Variants in DMD observed in about 807,000 individuals in gnomAD.
DMD encodes the protein dystrophin.
Under a neutral mutation model 330.1 loss-of-function variants are expected in DMD, and 63 were observed. The observed-to-expected ratio is 0.19, with a 90% CI of 0.16 to 0.24. The LOEUF (loss-of-function observed/expected upper bound fraction) is 0.24, where lower values mean the gene tolerates loss of function less well. Among genes scored for constraint, DMD ranks in the 10% least tolerant of loss-of-function variants. DMD has a pLI of 1.00. For missense variants in DMD, 3,344 were observed against 2,684.1 expected (o/e 1.25, Z -5.43); for synonymous variants, 1,223 against 959.8 (o/e 1.27, Z -5.07).
intron 11 of DMD, among the ~76,000 whole-genome samples, chrX:32,631,702 A>G (rs1259603950): frequency 9.0e-6 from 1 of 110,827 alleles, no homozygotes; most frequent in Non-Finnish European, 1.9e-5. Flanking sequence ...GGAGGGTACC[A>G]CACACTTTTA....
At chrX:32,885,057 C>G (rs2084385007) in intron 2 of DMD, among the ~76,000 whole-genome samples, 1 of 111,720 alleles carries the variant, frequency 9.0e-6, no homozygotes, top group Non-Finnish European at 1.9e-5. Flanking sequence ...GGGATCCTAG[C>G]CTAGCACCAC....
intron 63 of DMD, among the ~76,000 whole-genome samples, chrX:31,253,719 C>A (rs1404867328): frequency 8.9e-6 from 1 of 111,944 alleles, no homozygotes; most frequent in Admixed American, 9.5e-5. Context: ...ACTAGAACTG[C>A]TGAAGAATCA....
chrX:32,244,787 C>T lies in DMD; in HGVS notation c.6291-27724G>A, dbSNP rs1352142268. ...TTGAGAAGTGTCTGTTCATGTCCTT[C>T]GCTCACTTTTTGATGGGGTTGTTTG... On this transcript the variant is annotated intron_variant, in intron 43 of 78. Transcript: ENST00000357033. Among the ~76,000 whole-genome samples the T allele has an allele frequency of 5.4e-4, 40 of 74,649 alleles. 1 individual carries two copies. The East Asian group carries it at 5.4e-3, about 10-fold the overall frequency. 64.8% of individuals were successfully genotyped at this position (74,649 alleles called of 115,157 possible).
intron 41 of DMD, among the ~76,000 whole-genome samples, chrX:32,334,141 T>A (rs776974446): frequency 9.0e-6 from 1 of 111,173 alleles, no homozygotes; most frequent in Non-Finnish European, 1.9e-5. Flanking sequence ...ACCACTATGA[T>A]CATCAACAAT....
At chrX:32,170,087 T>C (rs953878798) in intron 44 of DMD, among the ~76,000 whole-genome samples, 4 of 111,202 alleles carry the variant, frequency 3.6e-5, no homozygotes, top group Middle Eastern at 4.2e-3. Context: ...CATCTGAGAT[T>C]AGATAATGGG....
intron 7 of DMD, among the ~76,000 whole-genome samples, chrX:32,700,694 A>G (rs2064040768): frequency 9.0e-6 from 1 of 111,710 alleles, no homozygotes; most frequent in African/African-American, 3.2e-5. Flanking sequence ...TTAATCATTA[A>G]TGAATATAAA....
intron 1 of DMD, among the ~76,000 whole-genome samples, chrX:33,055,082 T>G (rs1156989461): frequency 8.9e-6 from 1 of 111,760 alleles, no homozygotes; most frequent in Non-Finnish European, 1.9e-5. Context: ...GATTGAGCAT[T>G]AAGATTGAAG....
chrX:31,241,809 A>G (rs998500340), intron 63 of DMD, among the ~76,000 whole-genome samples: 3 of 111,513 alleles, frequency 2.7e-5, no homozygotes, highest in African/African-American at 9.8e-5. Context: ...CCAAATTCCT[A>G]TTCCAAAACA....
intron 7 of DMD, among the ~76,000 whole-genome samples, chrX:32,762,252 G>A (rs758577436): frequency 9.0e-6 from 1 of 110,856 alleles, no homozygotes; most frequent in Admixed American, 9.6e-5. Flanking sequence ...AAGCAATCAG[G>A]AGAAATGAAA....
At chrX:31,591,461 A>C (rs747701562) in intron 55 of DMD, among the ~76,000 whole-genome samples, 241 of 111,721 alleles carry the variant, frequency 2.2e-3, no homozygotes, top group Non-Finnish European at 3.8e-3. Context: ...GGTTTAGTTT[A>C]ACAAATCTAC....
intron 17 of DMD, among the ~76,000 whole-genome samples, chrX:32,522,242 A>G (rs900540567): frequency 9.0e-6 from 1 of 111,484 alleles, no homozygotes; most frequent in Non-Finnish European, 1.9e-5. Context: ...CCAGAACCCA[A>G]ATCTGTGTTG....
intron 1 of DMD, among the ~76,000 whole-genome samples, chrX:33,078,851 T>C (rs72626072): frequency 0.11 from 12,113 of 111,133 alleles, 543 homozygotes; most frequent in Middle Eastern, 0.17. Flanking sequence ...ATTATAGAAG[T>C]TTCCCATAAT....
chrX:32,911,611 C>T (rs1255996639), intron 2 of DMD, among the ~76,000 whole-genome samples: 3 of 111,279 alleles, frequency 2.7e-5, no homozygotes, highest in African/African-American at 9.8e-5. Context: ...TGAAAAAATG[C>T]CCAAACTCAT....
intron 45 of DMD, among the ~76,000 whole-genome samples, chrX:31,952,338 G>A (rs1490419860): frequency 9.1e-6 from 1 of 110,423 alleles, no homozygotes; most frequent in Non-Finnish European, 1.9e-5. Context: ...CATCTACATT[G>A]ATATGCTCAA....
chrX:31,281,227 T>C (rs895327435), intron 62 of DMD, among the ~76,000 whole-genome samples: 3 of 111,858 alleles, frequency 2.7e-5, no homozygotes, highest in African/African-American at 9.7e-5. Context: ...TAGATGTCAT[T>C]ATTTAATCAG....
chrX:32,129,456 C>T (rs1313723977), intron 44 of DMD, among the ~76,000 whole-genome samples: 3 of 110,850 alleles, frequency 2.7e-5, no homozygotes, highest in Non-Finnish European at 5.7e-5. Flanking sequence ...TTCATGAGTA[C>T]AAAATTAAAA....
intron 1 of DMD, among the ~76,000 whole-genome samples, chrX:33,157,075 G>A (rs984249613): frequency 2.7e-5 from 3 of 111,518 alleles, no homozygotes; most frequent in African/African-American, 9.8e-5. Flanking sequence ...AGTTTCCTGC[G>A]GCTGCTGTTA....
chrX:32,656,120 C>A (rs1347498202), intron 9 of DMD, among the ~76,000 whole-genome samples: 1 of 111,904 alleles, frequency 8.9e-6, no homozygotes, highest in Non-Finnish European at 1.9e-5. Context: ...CACTACAGTT[C>A]CCACTTTCCC....
chrX:31,672,666 T>G (rs2081872330), intron 53 of DMD, among the ~76,000 whole-genome samples: 1 of 112,352 alleles, frequency 8.9e-6, no homozygotes, highest in Non-Finnish European at 1.9e-5. Context: ...AGCTTGAATC[T>G]GACGTCAAGT....
Sources: allele counts gnomAD v4.1 joint callset (sites outside exome capture counted in the v4.1 genomes callset), GRCh38; gene constraint gnomAD v4.1.1; transcripts MANE v1.5; gene names NCBI Gene and HGNC (gene_info 2026-07-23, HGNC 2026-07-21).